Variants in SMYD3 observed in about 807,000 individuals in gnomAD.
The protein encoded by SMYD3 is histone-lysine N-methyltransferase SMYD3.
In SMYD3, 36 loss-of-function variants were observed where a neutral mutation model predicts 57.7. The observed-to-expected ratio is 0.62, with a 90% confidence interval of 0.48 to 0.82. The LOEUF (loss-of-function observed/expected upper bound fraction) is 0.82. Ranked by LOEUF, SMYD3 falls within the 40% of genes least tolerant of loss-of-function variation. The probability of loss-of-function intolerance (pLI) is 0.00; values close to 1 mark genes in which losing one functional copy is unlikely to be tolerated. For missense variants in SMYD3, 515 were observed against 538.8 expected, an observed-to-expected ratio of 0.96 and a Z score of 0.44; for synonymous variants, 211 against 195.0, an observed-to-expected ratio of 1.08 and a Z score of -0.68.
chr1:246,486,809 T>C (rs1422865139), intron 1 of SMYD3, among the ~76,000 whole-genome samples: 2 of 152,146 alleles, frequency 1.3e-5, no homozygotes, highest in African/African-American at 4.8e-5. Flanking sequence ...AAAAAACTAA[T>C]TCACTCATCA....
At chr1:246,051,657 A>C (rs182113513) in intron 5 of SMYD3, among the ~76,000 whole-genome samples, 54 of 152,270 alleles carry the variant, frequency 3.5e-4, no homozygotes, top group South Asian at 1.7e-3. Flanking sequence ...CAGTACAAAA[A>C]AAAAAAAGAA....
chr1:246,152,856 A>G (rs2061963887), intron 5 of SMYD3, among the ~76,000 whole-genome samples: 1 of 148,794 alleles, frequency 6.7e-6, no homozygotes, highest in Non-Finnish European at 1.5e-5. Context: ...GATAGGAGCT[A>G]TTTCACACTG....
intron 5 of SMYD3, among the ~76,000 whole-genome samples, chr1:246,243,633 T>A (rs2063654377): frequency 6.6e-6 from 1 of 151,822 alleles, no homozygotes; most frequent in Non-Finnish European, 1.5e-5. Flanking sequence ...TTCTGGGAGG[T>A]TTCCTGAACT....
intron 5 of SMYD3, among the ~76,000 whole-genome samples, chr1:246,185,898 C>A (rs1019028797): frequency 6.6e-6 from 1 of 152,140 alleles, no homozygotes; most frequent in Non-Finnish European, 1.5e-5. Flanking sequence ...TGATTCTATG[C>A]CAATTCACCT....
At chr1:245,832,143 G>T (rs2049871890) in intron 10 of SMYD3, among the ~76,000 whole-genome samples, 1 of 152,154 alleles carries the variant, frequency 6.6e-6, no homozygotes, top group Non-Finnish European at 1.5e-5. Flanking sequence ...CTAAAGCCTG[G>T]CTCAATAATG....
chr1:246,481,611 C>CAT (rs2068105177), intron 1 of SMYD3, among the ~76,000 whole-genome samples: 1 of 35,398 alleles, frequency 2.8e-5, no homozygotes, highest in Non-Finnish European at 5.0e-5. Context: ...TATATATACA[C>CAT]ATACATATAT....
chr1:245,999,672 G>C (rs2059001533), intron 5 of SMYD3, among the ~76,000 whole-genome samples: 1 of 152,192 alleles, frequency 6.6e-6, no homozygotes, highest in Admixed American at 6.5e-5. Flanking sequence ...TAAAGCAAGA[G>C]AGAGAGAAAG....
intron 1 of SMYD3, among the ~76,000 whole-genome samples, chr1:246,482,816 A>T: frequency 6.6e-6 from 1 of 152,212 alleles, no homozygotes; most frequent in Non-Finnish European, 1.5e-5. Context: ...ACTTCTCAGT[A>T]GGGGAAACGT....
intron 1 of SMYD3, among the ~76,000 whole-genome samples, chr1:246,374,858 C>A (rs1012185435): frequency 6.6e-6 from 1 of 151,918 alleles, no homozygotes; most frequent in Non-Finnish European, 1.5e-5. Context: ...TTTGGGGGGC[C>A]GAGGCAGGCG....
chr1:245,984,553 A>T (rs2058666255), intron 5 of SMYD3, among the ~76,000 whole-genome samples: 1 of 152,190 alleles, frequency 6.6e-6, no homozygotes, highest in South Asian at 2.1e-4. Context: ...CAGAAGGCTC[A>T]TTGAAACACA....
intron 5 of SMYD3, chr1:245,956,183 G>T: frequency 4.2e-6 from 2 of 472,888 alleles, no homozygotes; most frequent in Non-Finnish European, 5.5e-6. Context: ...CTCCCAAAGT[G>T]TTGGGATTAT....
At chr1:246,220,632 A>G (rs2063238825) in intron 5 of SMYD3, among the ~76,000 whole-genome samples, 1 of 152,174 alleles carries the variant, frequency 6.6e-6, no homozygotes, top group East Asian at 1.9e-4. Context: ...CAGCAGCAGG[A>G]GGCAGGCAGG....
intron 8 of SMYD3, among the ~76,000 whole-genome samples, chr1:245,880,461 G>A (rs1020782904): frequency 3.3e-5 from 5 of 152,288 alleles, no homozygotes; most frequent in Admixed American, 1.3e-4. Context: ...TTATTTTATA[G>A]ATATAGGTGA....
intron 5 of SMYD3, among the ~76,000 whole-genome samples, chr1:246,142,831 C>G (rs559359589): frequency 4.9e-4 from 75 of 152,278 alleles, no homozygotes; most frequent in Non-Finnish European, 8.5e-4. Context: ...CCTACAAACA[C>G]AAATTGGCCA....
intron 1 of SMYD3, among the ~76,000 whole-genome samples, chr1:246,472,961 G>A (rs1263289175): frequency 6.7e-6 from 1 of 148,430 alleles, no homozygotes; most frequent in Non-Finnish European, 1.5e-5. Flanking sequence ...GGGTTCAAGT[G>A]ATTCTCCTGC....
At chr1:245,817,076 G>A (rs1449609859) in intron 10 of SMYD3, among the ~76,000 whole-genome samples, 1 of 151,454 alleles carries the variant, frequency 6.6e-6, no homozygotes, top group Non-Finnish European at 1.5e-5. Context: ...GCCTCTGTAG[G>A]CTCCACCTCT....
At chr1:246,073,460 T>C (rs932944470) in intron 5 of SMYD3, among the ~76,000 whole-genome samples, 4 of 152,210 alleles carry the variant, frequency 2.6e-5, no homozygotes, top group Non-Finnish European at 5.9e-5. Context: ...ATCACACCTA[T>C]AATCTCAGCA....
At chr1:246,064,359 C>T (rs1216155860) in intron 5 of SMYD3, among the ~76,000 whole-genome samples, 1 of 152,236 alleles carries the variant, frequency 6.6e-6, no homozygotes, top group African/African-American at 2.4e-5. Flanking sequence ...TCTAGTCAAA[C>T]TGAACTATTA....
intron 5 of SMYD3, among the ~76,000 whole-genome samples, chr1:246,067,858 G>A (rs540581170): frequency 9.9e-5 from 15 of 152,254 alleles, no homozygotes; most frequent in South Asian, 4.2e-4. Flanking sequence ...GCTGAGGTCC[G>A]TCAGCATCAT....
Sources: gnomAD v4.1 joint callset for allele counts (sites outside exome capture counted in the v4.1 genomes callset) on GRCh38, gnomAD v4.1.1 for gene constraint, MANE v1.5 for transcripts, NCBI Gene and HGNC (gene_info 2026-07-23, HGNC 2026-07-21) for gene names.